The following FRMPD2 variants were observed in gnomAD, a reference collection of about 807,000 sequenced individuals.
FRMPD2 encodes the protein FERM and PDZ domain-containing protein 2.
A neutral mutation model predicts 140.1 loss-of-function variants in FRMPD2; 96 were observed. That is an observed-to-expected ratio of 0.69 (90% CI 0.58 to 0.81). The LOEUF (loss-of-function observed/expected upper bound fraction) is 0.81, where lower values mean the gene tolerates loss of function less well. Ranked by LOEUF, FRMPD2 falls within the 40% of genes least tolerant of loss-of-function variation. The pLI is 0.00. For synonymous variants in FRMPD2, 449 were observed against 547.6 expected, an observed-to-expected ratio of 0.82 and a Z score of 2.52; for missense variants, 1,240 against 1,447.4, an observed-to-expected ratio of 0.86 and a Z score of 2.32.
chr10:48,163,621 G>A lies in FRMPD2; in HGVS notation c.3588C>T (p.Asp1196=), dbSNP rs201205821. ...GATCCAGGATGGGGCTGGTACATGA[G>A]TCAGTACATGTTGCCCTGGTGAATT... ...DKEFTRATCT[D]SCTSPILDQE... Residue 1196 remains aspartate, a synonymous_variant, in exon 28 of 29, where the codon GAC becomes GAT. Coordinates refer to ENST00000374201, the MANE Select transcript of FRMPD2 (RefSeq NM_001018071.4). The A allele has an allele frequency of 2.6e-4, 337 of 1,312,982 alleles. 3 individuals are homozygous for A. The highest frequency in any genetic ancestry group is 3.3e-4 in the Non-Finnish European group (304 of 910,046). The allele number at this position is 1,312,982 out of a possible 1,614,324, so 81.3% of individuals were successfully genotyped here. A position where few individuals can be genotyped will look rare whatever the true frequency, so the allele number is the denominator to read the frequency against.
chr10:48,181,858 C>CATATATATATAT (rs35165586), intron 20 of FRMPD2, among the ~76,000 whole-genome samples: 1,703 of 79,712 alleles, frequency 0.021, 111 homozygotes, highest in African/African-American at 0.039. Context: ...TATATTCCCT[C>CATATATATATAT]ATATATATAT....
At chr10:48,159,348 A>G (rs1837872419) in intron 28 of FRMPD2, 2 of 430,960 alleles carry the variant, frequency 4.6e-6, no homozygotes, top group African/African-American at 2.0e-5. Flanking sequence ...GTGGACAGAT[A>G]CCCCTGGGTA....
rs2131996701 is a variant in FRMPD2 at position 48,274,635 on chromosome 10, T to C, written c.-68A>G. 2 of 1,480,626 alleles carry C rather than the reference T, an allele frequency of 1.4e-6. No individual in the cohort carries two copies. The highest frequency in any genetic ancestry group is 9.4e-7 in the Non-Finnish European group (1 of 1,062,382). The allele number at this position is 1,480,626 out of a possible 1,614,324, so 91.7% of individuals were successfully genotyped here. On this transcript the variant is annotated 5_prime_UTR_variant, in exon 1 of 29. Transcript: ENST00000374201. ...AACTTTCCAACAAGGAGCAGGGGTCTCTTGCAAGTCTGTCCGCGGAGCTCC... is the reference window on the plus strand; with the variant it reads ...AACTTTCCAACAAGGAGCAGGGGTCCCTTGCAAGTCTGTCCGCGGAGCTCC...
intron 1 of FRMPD2, among the ~76,000 whole-genome samples, chr10:48,260,990 T>C (rs1228942746): frequency 6.6e-6 from 1 of 152,212 alleles, no homozygotes; most frequent in Non-Finnish European, 1.5e-5. Flanking sequence ...ATCAACAGCA[T>C]TGCAAGAGAA....
At position 48,192,596 on chromosome 10, in the gene FRMPD2, A is replaced by T. The variant is rs546137072; in HGVS notation, c.2165+88T>A. On this transcript the variant is annotated intron_variant, in intron 16 of 28. Coordinates refer to ENST00000374201, the MANE Select transcript of FRMPD2 (RefSeq NM_001018071.4). The stretch of plus-strand genomic sequence containing the variant: ...CAAGAGCAAAACTCAGTCTCAAAAA[A>T]AAAATAAAATAAATCTTCAGTACAG... The T allele has an allele frequency of 1.7e-5, 22 of 1,262,288 alleles. No individual in the cohort carries two copies. The African/African-American group carries it at 3.0e-4, about 17-fold the overall frequency. 78.2% of individuals were successfully genotyped at this position (1,262,288 alleles called of 1,614,324 possible). A position where few individuals can be genotyped will look rare whatever the true frequency, so the allele number is the denominator to read the frequency against.
intron 7 of FRMPD2, 71 bp from the exon 8 acceptor site, chr10:48,238,194 G>T: frequency 2.0e-6 from 3 of 1,526,598 alleles, no homozygotes; most frequent in Admixed American, 1.9e-5. Context: ...AAGACCACCC[G>T]CACAGGGGCT....
rs934473061 is a variant in FRMPD2 at position 48,215,503 on chromosome 10, G to C, written c.1456-3394C>G. On this transcript the variant is annotated intron_variant, in intron 12 of 28. Transcript: ENST00000374201. Reference sequence around the variant, plus strand: ...AATGTAAATAGCACCGGCTTTTCCGGGTTGATTTAAGAATTCAATGGTGCC... The same window carrying C: ...AATGTAAATAGCACCGGCTTTTCCGCGTTGATTTAAGAATTCAATGGTGCC... 4.6e-5 allele frequency among the ~76,000 whole-genome samples: 7 copies of C among 152,194 alleles called. No individual in the cohort carries two copies. The South Asian group carries it at 1.4e-3, about 32-fold the overall frequency.
intron 25 of FRMPD2, among the ~76,000 whole-genome samples, chr10:48,171,631 A>G (rs1838260896): frequency 6.6e-6 from 1 of 152,272 alleles, no homozygotes; most frequent in Admixed American, 6.5e-5. Context: ...CTTACGAACT[A>G]AGCTTTCAAA....
intron 10 of FRMPD2, among the ~76,000 whole-genome samples, chr10:48,225,852 G>T (rs1038217653): frequency 6.6e-6 from 1 of 152,134 alleles, no homozygotes; most frequent in African/African-American, 2.4e-5. Flanking sequence ...TCTTGGATTT[G>T]AGCACCCTCA....
chr10:48,215,917 C>T (rs1425392870), intron 12 of FRMPD2, among the ~76,000 whole-genome samples: 1 of 152,208 alleles, frequency 6.6e-6, no homozygotes, highest in Non-Finnish European at 1.5e-5. Context: ...TGTTTTTGGA[C>T]ATGACTGACA....
At chr10:48,237,809 C>T (rs1057369914) in intron 8 of FRMPD2, among the ~76,000 whole-genome samples, 182 bp downstream of exon 8, 1 of 152,158 alleles carries the variant, frequency 6.6e-6, no homozygotes, top group Non-Finnish European at 1.5e-5. Flanking sequence ...AGTGAGGCTA[C>T]TCAGTGAATG....
Position 48,262,062 on chromosome 10 carries a change from A to C in FRMPD2, c.26-10371T>G, listed in dbSNP as rs1024086755. Among the ~76,000 whole-genome samples, 3 of 152,318 alleles carry C rather than the reference A, an allele frequency of 2.0e-5. No homozygotes were observed. The East Asian group carries it at 5.8e-4, about 29-fold the overall frequency. ...TTAAAAAGAAACAAAAACCAATTGC[A>C]ACAAATAGAAAACAGTTATAAATAT... is the stretch of plus-strand genomic sequence containing the variant. On this transcript the variant is annotated intron_variant, in intron 1 of 28. Transcript: ENST00000374201.
chr10:48,156,898 T>C lies in FRMPD2; in HGVS notation c.*424A>G. On this transcript the variant is annotated 3_prime_UTR_variant, in exon 29 of 29. Transcript: ENST00000374201. ...ATAATTCTGACACAGCCCCCCCAACTCTGGGTTCCTGGTATGGGGTAAGTT... is the reference window on the plus strand; with the variant it reads ...ATAATTCTGACACAGCCCCCCCAACCCTGGGTTCCTGGTATGGGGTAAGTT... 5.0e-6 allele frequency: 1 copy of C among 201,066 alleles called. No homozygotes were observed. Among genetic ancestry groups the C allele is most frequent in the Non-Finnish European group, 1.0e-5 (1 of 98,648 alleles). The allele number at this position is 201,066 out of a possible 1,614,324, so 12.5% of individuals were successfully genotyped here.
intron 1 of FRMPD2, among the ~76,000 whole-genome samples, chr10:48,273,200 C>A (rs1224562440): frequency 6.6e-6 from 1 of 152,184 alleles, no homozygotes; most frequent in African/African-American, 2.4e-5. Flanking sequence ...CTGTTGTTTT[C>A]TTAGGTTAGG....
chr10:48,252,586 C>A (rs996766340), intron 1 of FRMPD2, among the ~76,000 whole-genome samples: 3 of 152,174 alleles, frequency 2.0e-5, no homozygotes, highest in African/African-American at 4.8e-5. Flanking sequence ...CTGCCCAGCT[C>A]CCTGCAGACA....
Position 48,184,632 on chromosome 10 carries a change from T to A in FRMPD2, c.2518A>T (p.Asn840Tyr). ...TTCTGGATCATCCTAACAGCCATGTTGAATGTGAAGCCCTCCAGACTGATG... is the reference window on the plus strand; with the variant it reads ...TTCTGGATCATCCTAACAGCCATGTAGAATGTGAAGCCCTCCAGACTGATG... ...NHISLEGFTF[N>Y]MAVRMIQNSP... is the part of the protein sequence containing the mutation. Residue 840 changes from asparagine to tyrosine, a missense_variant, in exon 20 of 29, where the codon AAC becomes TAC. Physicochemically the swap from Asn to Tyr is moderately radical, Grantham distance 143 (BLOSUM62 -2). This residue lies in a region of FRMPD2 where 1,161 missense variants were observed against 1,055.9 expected (regional missense o/e 1.10). Transcript: ENST00000374201. 6.2e-7 allele frequency: 1 copy of A among 1,613,858 alleles called. No individual in the cohort carries two copies. The highest frequency in any genetic ancestry group is 2.2e-5 in the East Asian group (1 of 44,870).
At chr10:48,215,816 G>A (rs1378711711) in intron 12 of FRMPD2, among the ~76,000 whole-genome samples, 1 of 152,198 alleles carries the variant, frequency 6.6e-6, no homozygotes, top group Non-Finnish European at 1.5e-5. Context: ...CCATAATGGA[G>A]TGTTGGTGCT....
chr10:48,164,177 T>A (rs1838030837), intron 27 of FRMPD2, among the ~76,000 whole-genome samples: 1 of 150,534 alleles, frequency 6.6e-6, no homozygotes, highest in Non-Finnish European at 1.5e-5. Flanking sequence ...ATGTGCTATG[T>A]CTTGCTGCCA....
intron 15 of FRMPD2, among the ~76,000 whole-genome samples, chr10:48,196,419 A>G (rs1838951461): frequency 6.6e-6 from 1 of 152,370 alleles, no homozygotes; most frequent in East Asian, 1.9e-4. Flanking sequence ...CAGCAAGTCC[A>G]TTATGTGACG....
Sources: gnomAD v4.1 joint callset for allele counts (sites outside exome capture counted in the v4.1 genomes callset) on GRCh38, gnomAD v4.1.1 for gene constraint, gnomAD v4.1.1 regional missense constraint, MANE v1.5 for transcripts, NCBI Gene and HGNC (gene_info 2026-07-23, HGNC 2026-07-21) for gene names.